The following ZMYND11 variants were observed in gnomAD, a reference collection of about 807,000 sequenced individuals.
ZMYND11 encodes zinc finger MYND domain-containing protein 11.
Under a neutral mutation model 84.9 loss-of-function variants are expected in ZMYND11, and 9 were observed. The ratio of observed to expected loss-of-function variants is 0.11; its 90% CI spans 0.06 to 0.18. The LOEUF (loss-of-function observed/expected upper bound fraction) is 0.18, where lower values mean the gene tolerates loss of function less well. Among genes scored for constraint, ZMYND11 ranks in the 10% least tolerant of loss-of-function variants. The pLI, the probability that ZMYND11 is intolerant of heterozygous loss-of-function variation, is 1.00. For synonymous variants in ZMYND11, 250 were observed against 244.1 expected, an observed-to-expected ratio of 1.02 and a Z score of -0.23; for missense variants, 409 against 761.0, an observed-to-expected ratio of 0.54 and a Z score of 5.44.
intron 1 of ZMYND11, among the ~76,000 whole-genome samples, chr10:155,904 A>G (rs1841596929): frequency 6.6e-6 from 1 of 152,248 alleles, no homozygotes; most frequent in African/African-American, 2.4e-5. Context: ...CTAAAAGGAC[A>G]AGGGAATCCT....
chr10:152,306 A>G (rs1351616432), intron 1 of ZMYND11, among the ~76,000 whole-genome samples: 1 of 152,210 alleles, frequency 6.6e-6, no homozygotes, highest in Non-Finnish European at 1.5e-5. Context: ...TCAGTGTGCT[A>G]TATTCAGGAG....
chr10:221,493 G>T lies in ZMYND11; in HGVS notation c.438+137G>T. ...GGTGGGGGTTATCTAATGAAATGATGATACTCATAAATGGACATCACAGAA... is the reference window on the plus strand; with the variant it reads ...GGTGGGGGTTATCTAATGAAATGATTATACTCATAAATGGACATCACAGAA... On this transcript the variant is annotated intron_variant, in intron 4 of 14. Transcript: ENST00000381604. 8 of 816,568 alleles carry T rather than the reference G, an allele frequency of 9.8e-6. 1 individual carries two copies. In the South Asian group the frequency reaches 1.6e-4, roughly 16 times the overall value. The allele number at this position is 816,568 out of a possible 1,614,324, so 50.6% of individuals were successfully genotyped here. A position where few individuals can be genotyped will look rare whatever the true frequency, so the allele number is the denominator to read the frequency against.
intron 10 of ZMYND11, 48 bp downstream of exon 10, chr10:242,187 C>G: frequency 6.3e-7 from 1 of 1,584,960 alleles, no homozygotes; most frequent in African/African-American, 1.4e-5. Context: ...CTTATGAAGT[C>G]CTTAAGAAAG....
intron 1 of ZMYND11, among the ~76,000 whole-genome samples, chr10:168,014 A>C (rs1310566881): frequency 6.6e-6 from 1 of 152,136 alleles, no homozygotes; most frequent in African/African-American, 2.4e-5. Flanking sequence ...CTAATTTTTT[A>C]ACATCTCAGG....
At chr10:247,251 A>G in intron 11 of ZMYND11, 147 bp from the exon 12 acceptor site, 1 of 962,062 alleles carries the variant, frequency 1.0e-6, no homozygotes, top group Non-Finnish European at 1.6e-6. Flanking sequence ...CAGAACAGTA[A>G]ATTAAGTCAG....
At chr10:201,850 C>G (rs1943235596) in intron 2 of ZMYND11, among the ~76,000 whole-genome samples, 1 of 152,094 alleles carries the variant, frequency 6.6e-6, no homozygotes, top group African/African-American at 2.4e-5. Flanking sequence ...TAATATTAGA[C>G]ATTTACATGC....
chr10:180,747 C>T (rs534113651), intron 2 of ZMYND11, among the ~76,000 whole-genome samples: 6 of 152,176 alleles, frequency 3.9e-5, no homozygotes, highest in African/African-American at 1.2e-4. Flanking sequence ...TTTTATGTAG[C>T]GAAGCTATCT....
chr10:242,559 C>G (rs973278909), intron 10 of ZMYND11, among the ~76,000 whole-genome samples: 1 of 151,992 alleles, frequency 6.6e-6, no homozygotes, highest in Admixed American at 6.6e-5. Flanking sequence ...TGTGTAAATA[C>G]CTGAAGCGTG....
intron 1 of ZMYND11, among the ~76,000 whole-genome samples, chr10:157,860 T>G (rs11250529): frequency 0.25 from 37,732 of 152,156 alleles, 5,821 homozygotes; most frequent in Non-Finnish European, 0.35. Context: ...CCAGATCCAA[T>G]AGCAGCCATT....
intron 1 of ZMYND11, among the ~76,000 whole-genome samples, chr10:168,859 T>G (rs1844626697): frequency 6.6e-6 from 1 of 152,020 alleles, no homozygotes; most frequent in Admixed American, 6.6e-5. Context: ...TGAACTGTAA[T>G]TGATGAATCG....
chr10:171,181 T>G (rs1197808318), intron 1 of ZMYND11, among the ~76,000 whole-genome samples: 1 of 152,066 alleles, frequency 6.6e-6, no homozygotes, highest in Admixed American at 6.6e-5. Context: ...ACACAAAAAC[T>G]GATAGAACTG....
At chr10:138,086 C>G (rs964110651) in intron 1 of ZMYND11, among the ~76,000 whole-genome samples, 1 of 149,830 alleles carries the variant, frequency 6.7e-6, no homozygotes, top group African/African-American at 2.4e-5. Context: ...TTCTTTCATT[C>G]ATACTGAATA....
At chr10:246,574 C>G (rs971780305) in intron 10 of ZMYND11, among the ~76,000 whole-genome samples, 192 bp from the exon 11 acceptor site, 1 of 152,230 alleles carries the variant, frequency 6.6e-6, no homozygotes, top group African/African-American at 2.4e-5. Flanking sequence ...CAAGCCATGA[C>G]GAAGCCTAAG....
At chr10:186,342 A>G (rs1938425540) in intron 2 of ZMYND11, among the ~76,000 whole-genome samples, 1 of 151,738 alleles carries the variant, frequency 6.6e-6, no homozygotes, top group African/African-American at 2.4e-5. Flanking sequence ...CTTGGGTTGC[A>G]GTTTAAAAAA....
At chr10:155,962 A>G (rs1841620636) in intron 1 of ZMYND11, among the ~76,000 whole-genome samples, 1 of 152,212 alleles carries the variant, frequency 6.6e-6, no homozygotes, top group African/African-American at 2.4e-5. Flanking sequence ...GCAAACCTTG[A>G]GGGAGGAGAT....
Position 236,899 on chromosome 10 carries a change from C to A in ZMYND11, c.500C>A (p.Ser167Tyr). Residue 167 changes from serine (S) to tyrosine (Y), a missense_variant, in exon 5 of 15, where the codon TCC becomes TAC. Ser to Tyr is a moderately radical substitution (Grantham distance 144). Coordinates refer to ENST00000381604, the MANE Select transcript of ZMYND11 (RefSeq NM_001370100.5). ...GGCACATACCTCAGATTCATTGTCTCCCGCATGAAGGAGAGGGTGAGTCCT... is the reference window on the plus strand; with the variant it reads ...GGCACATACCTCAGATTCATTGTCTACCGCATGAAGGAGAGGGTGAGTCCT... ...EMGTYLRFIV[S>Y]RMKERAIDLN... 6.2e-7 allele frequency: 1 copy of A among 1,613,294 alleles called. No homozygotes were observed. Among genetic ancestry groups the A allele is most frequent in the Non-Finnish European group, 8.5e-7 (1 of 1,179,700 alleles).
chr10:158,599 T>C (rs1842235220), intron 1 of ZMYND11, among the ~76,000 whole-genome samples: 1 of 150,922 alleles, frequency 6.6e-6, no homozygotes, highest in Non-Finnish European at 1.5e-5. Flanking sequence ...TTTTTTTTTT[T>C]TTGTAGAGAC....
chr10:155,401 C>G (rs903110811), intron 1 of ZMYND11, among the ~76,000 whole-genome samples: 4 of 152,144 alleles, frequency 2.6e-5, no homozygotes, highest in African/African-American at 7.2e-5. Flanking sequence ...GTAATCCCAG[C>G]ACTTTGGGAG....
In ZMYND11 at chr10:135,743, G is replaced by GCGGGC. The variant is rs1260847486; in HGVS notation, c.-20+193_-20+197dup. 3.4e-5 allele frequency among the ~76,000 whole-genome samples: 5 copies of GCGGGC among 148,054 alleles called. No individual in the cohort carries two copies. Among genetic ancestry groups the GCGGGC allele is most frequent in the East Asian group, 2.0e-4 (1 of 5,054 alleles). On this transcript the variant is annotated intron_variant, in intron 1 of 14. Transcript: ENST00000381604. This position sits in a 1 kb window ranked among gnomAD's most constrained non-coding sequence, Gnocchi z 5.6. ...GCCGGGGAGCTTTGTGGATGGCGGG[G>GCGGGC]CGGGCCGGGCCGGCGGGGCCTGCGA...
Sources: gnomAD v4.1 joint callset for allele counts (sites outside exome capture counted in the v4.1 genomes callset) on GRCh38, gnomAD v4.1.1 for gene constraint, Gnocchi (gnomAD v3.1) non-coding constraint, MANE v1.5 for transcripts, NCBI Gene and HGNC (gene_info 2026-07-23, HGNC 2026-07-21) for gene names.